CA10: variants seen among roughly 807,000 people sequenced by gnomAD.
CA10 encodes the protein carbonic anhydrase-related protein 10.
Under a neutral mutation model 44.2 loss-of-function variants are expected in CA10, and 14 were observed. The observed-to-expected ratio is 0.32, with a 90% CI of 0.21 to 0.50. The LOEUF (loss-of-function observed/expected upper bound fraction) is 0.50. Among genes scored for constraint, CA10 ranks in the 20% least tolerant of loss-of-function variants. The pLI is 0.99. For synonymous variants in CA10, 159 were observed against 141.6 expected (o/e 1.12, Z -0.87); for missense variants, 350 against 409.7 (o/e 0.85, Z 1.26).
At chr17:51,644,082 C>A (rs182315037) in intron 6 of CA10, among the ~76,000 whole-genome samples, 6 of 152,142 alleles carry the variant, frequency 3.9e-5, no homozygotes, top group Admixed American at 6.5e-5. Context: ...ATCCTCTTGG[C>A]GAGATTCTCC....
At chr17:52,150,561 T>G (rs555299185) in intron 1 of CA10, among the ~76,000 whole-genome samples, 1 of 152,292 alleles carries the variant, frequency 6.6e-6, no homozygotes, top group African/African-American at 2.4e-5. Context: ...TTATAGTAAC[T>G]GAACCATAGA....
intron 3 of CA10, among the ~76,000 whole-genome samples, chr17:51,798,158 A>G (rs1906788552): frequency 6.6e-6 from 1 of 152,182 alleles, no homozygotes; most frequent in South Asian, 2.1e-4. Context: ...CTATTTTTCT[A>G]TATTCATAAT....
chr17:51,853,031 C>G (rs1156879932), intron 3 of CA10, among the ~76,000 whole-genome samples: 1 of 151,854 alleles, frequency 6.6e-6, no homozygotes, highest in Non-Finnish European at 1.5e-5. Flanking sequence ...AATAGGGGGG[C>G]TTTATCATAT....
chr17:51,811,773 T>C (rs55946769), intron 3 of CA10, among the ~76,000 whole-genome samples: 4,304 of 152,298 alleles, frequency 0.028, 172 homozygotes, highest in African/African-American at 0.09. Flanking sequence ...TATAGTAGCA[T>C]GATTTACTAT....
chr17:51,883,524 C>T (rs773977941), intron 3 of CA10, among the ~76,000 whole-genome samples: 10 of 152,158 alleles, frequency 6.6e-5, no homozygotes, highest in Non-Finnish European at 1.3e-4. Flanking sequence ...AATGAATGGC[C>T]TCCAAGTTGT....
At position 52,125,935 on chromosome 17, in the gene CA10, C is replaced by A. The variant is rs1199386875; in HGVS notation, c.61+31791G>T. Among the ~76,000 whole-genome samples the A allele has an allele frequency of 2.6e-5, 4 of 152,080 alleles. 1 individual carries two copies. The highest frequency in any genetic ancestry group is 5.9e-5 in the Non-Finnish European group (4 of 68,024). ...AGCTCAGGCTCAAGTCCTATCCATT[C>A]ACTCATTCATTCATTCTTTCAACAG... On this transcript the variant is annotated intron_variant, in intron 1 of 8. Coordinates refer to ENST00000451037, the MANE Select transcript of CA10 (RefSeq NM_020178.5).
chr17:51,792,487 A>G (rs1381875256), intron 3 of CA10, among the ~76,000 whole-genome samples: 1 of 152,230 alleles, frequency 6.6e-6, no homozygotes, highest in Admixed American at 6.5e-5. Flanking sequence ...TGAAAAGGCA[A>G]TTCAGTTAGA....
chr17:52,113,763 T>A (rs1435384292), intron 1 of CA10, among the ~76,000 whole-genome samples: 1 of 152,244 alleles, frequency 6.6e-6, no homozygotes, highest in Non-Finnish European at 1.5e-5. Flanking sequence ...TGTATTTACA[T>A]TTCAAGTGAG....
chr17:51,700,707 C>CCGT (rs1915567733), intron 4 of CA10, among the ~76,000 whole-genome samples: 1 of 152,202 alleles, frequency 6.6e-6, no homozygotes, highest in Non-Finnish European at 1.5e-5. Context: ...ACAGCACTTA[C>CCGT]CGTCGCCTAA....
intron 4 of CA10, among the ~76,000 whole-genome samples, chr17:51,744,263 C>T (rs780274244): frequency 6.6e-6 from 1 of 150,670 alleles, no homozygotes; most frequent in East Asian, 1.9e-4. Flanking sequence ...TGCAGTGAAC[C>T]GAGATCATGG....
intron 3 of CA10, among the ~76,000 whole-genome samples, chr17:51,834,346 G>A (rs1908397538): frequency 6.6e-6 from 1 of 152,036 alleles, no homozygotes; most frequent in Non-Finnish European, 1.5e-5. Flanking sequence ...GCACTTTTTG[G>A]GATTTCATGG....
chr17:51,858,437 AG>A (rs1212121590), intron 3 of CA10, among the ~76,000 whole-genome samples: 1 of 152,210 alleles, frequency 6.6e-6, no homozygotes, highest in Non-Finnish European at 1.5e-5. Context: ...TTTCCTGAAC[AG>A]ATTTCAAGCA....
At position 51,679,039 on chromosome 17, in the gene CA10, A is replaced by T. The variant is rs137919830; in HGVS notation, c.466-25303T>A. Among the ~76,000 whole-genome samples, 22 of 152,240 alleles carry T rather than the reference A, an allele frequency of 1.4e-4. No homozygotes were observed. The East Asian group carries it at 4.3e-3, about 29-fold the overall frequency. On this transcript the variant is annotated intron_variant, in intron 4 of 8. Transcript: ENST00000451037. ...CAAAGCAATTGCATTTCTTATTTGT[A>T]TGCTACAGTCATTCTCCACCCTCAA...
chr17:51,994,522 T>C (rs907419474), intron 2 of CA10, among the ~76,000 whole-genome samples: 5 of 151,988 alleles, frequency 3.3e-5, no homozygotes, highest in Non-Finnish European at 5.9e-5. Context: ...GGTCTGTCTT[T>C]AGGAGAGGTA....
intron 1 of CA10, among the ~76,000 whole-genome samples, chr17:52,154,918 T>C (rs1173240016): frequency 6.6e-6 from 1 of 152,102 alleles, no homozygotes; most frequent in Admixed American, 6.5e-5. Flanking sequence ...CTTTAAGCAA[T>C]ATATCCAAAT....
intron 2 of CA10, among the ~76,000 whole-genome samples, chr17:51,975,301 A>G (rs1270859654): frequency 6.6e-6 from 1 of 152,234 alleles, no homozygotes; most frequent in Admixed American, 6.5e-5. Flanking sequence ...TAGTGTGCTT[A>G]ATCTAAATTG....
At chr17:51,959,656 T>C (rs1983809027) in intron 2 of CA10, among the ~76,000 whole-genome samples, 1 of 151,432 alleles carries the variant, frequency 6.6e-6, no homozygotes, top group Non-Finnish European at 1.5e-5. Flanking sequence ...CCCTGGGTGG[T>C]TGGTATGTGT....
intron 1 of CA10, among the ~76,000 whole-genome samples, chr17:52,129,069 C>G (rs116919236): frequency 7.9e-5 from 12 of 152,204 alleles, no homozygotes; most frequent in Non-Finnish European, 1.2e-4. Context: ...AAAGAAGTGG[C>G]CCTCGTGTAA....
At chr17:52,140,376 G>T (rs1003840852) in intron 1 of CA10, among the ~76,000 whole-genome samples, 11 of 152,154 alleles carry the variant, frequency 7.2e-5, no homozygotes, top group African/African-American at 2.4e-4. Context: ...ACTCAACTTT[G>T]CCCCTACGGT....
Sources: gnomAD v4.1 joint callset for allele counts (sites outside exome capture counted in the v4.1 genomes callset) on GRCh38, gnomAD v4.1.1 for gene constraint, MANE v1.5 for transcripts, NCBI Gene and HGNC (gene_info 2026-07-23, HGNC 2026-07-21) for gene names.